CARMIL3: variants seen among roughly 807,000 people sequenced by gnomAD.
CARMIL3 encodes the protein capping protein, Arp2/3 and myosin-I linker protein 3.
In CARMIL3, 88 loss-of-function variants were observed where a neutral mutation model predicts 180.8. The ratio of observed to expected loss-of-function variants is 0.49; its 90% CI spans 0.41 to 0.58. The LOEUF (loss-of-function observed/expected upper bound fraction) is 0.58. Among genes scored for constraint, CARMIL3 ranks in the 20% least tolerant of loss-of-function variants. The probability of loss-of-function intolerance (pLI) is 0.00; values close to 1 mark genes in which losing one functional copy is unlikely to be tolerated. For synonymous variants in CARMIL3, 696 were observed against 714.5 expected (o/e 0.97, Z 0.41); for missense variants, 1,548 against 1,787.0 (o/e 0.87, Z 2.41).
rs770371621 is a variant in CARMIL3, at chr14:24,054,852, T to G, written c.460+44T>G. 6.3e-7 allele frequency: 1 copy of G among 1,580,738 alleles called. No individual in the cohort carries two copies. Among genetic ancestry groups the G allele is most frequent in the South Asian group, 1.1e-5 (1 of 89,692 alleles). The stretch of plus-strand genomic sequence containing the variant: ...GAGGAAAGTAGGCGCTCCACCATCT[T>G]GCCCCATGATCAGAGCCCTTTGTGC... On this transcript the variant is annotated intron_variant, in intron 6 of 39. Transcript: ENST00000342740. This position sits in a 1 kb window ranked among gnomAD's most constrained non-coding sequence, Gnocchi z 5.1.
rs1050893227 is a variant in CARMIL3 at position 24,058,998 on chromosome 14, T to A, written c.1571+12T>A. On this transcript the variant is annotated intron_variant, in intron 19 of 39. Coordinates refer to ENST00000342740, the MANE Select transcript of CARMIL3 (RefSeq NM_138360.4). The surrounding 1 kb of genome is among the most constrained non-coding windows in gnomAD (Gnocchi z 6.4). ...AATGTCAAGGCCAAGTGAGGCCCCCTTTCCATGCCCACAGACCCTCATCCC... is the reference window on the plus strand; with the variant it reads ...AATGTCAAGGCCAAGTGAGGCCCCCATTCCATGCCCACAGACCCTCATCCC... The A allele has an allele frequency of 6.2e-7, 1 of 1,613,770 alleles. No individual in the cohort carries two copies. The highest frequency in any genetic ancestry group is 1.3e-5 in the African/African-American group (1 of 75,040).
intron 14 of CARMIL3, 133 bp downstream of exon 14, chr14:24,057,377 T>G (rs183350727): frequency 1.0e-3 from 820 of 790,200 alleles, no homozygotes; most frequent in Non-Finnish European, 1.5e-3. Context: ...AGCTGAAGTA[T>G]AAAGCAATGT....
chr14:24,061,772 C>T lies in CARMIL3; in HGVS notation c.2480+100C>T. Reference sequence around the variant, plus strand: ...TATCAGCAATGAATAATGAATGGCACAATCTCCATTACAAGGATCAATCTT... The same window carrying T: ...TATCAGCAATGAATAATGAATGGCATAATCTCCATTACAAGGATCAATCTT... On this transcript the variant is annotated intron_variant, in intron 27 of 39. Coordinates refer to ENST00000342740, the MANE Select transcript of CARMIL3 (RefSeq NM_138360.4). This position sits in a 1 kb window ranked among gnomAD's most constrained non-coding sequence, Gnocchi z 4.1. 1 of 1,251,346 alleles carries T rather than the reference C, an allele frequency of 8.0e-7. No individual in the cohort carries two copies. The highest frequency in any genetic ancestry group is 1.1e-6 in the Non-Finnish European group (1 of 899,070). 77.5% of individuals were successfully genotyped at this position (1,251,346 alleles called of 1,614,324 possible). A position where few individuals can be genotyped will look rare whatever the true frequency, so the allele number is the denominator to read the frequency against.
At position 24,058,606 on chromosome 14, in the gene CARMIL3, C is replaced by G; in HGVS notation, c.1393-74C>G. 2 of 1,218,310 alleles carry G rather than the reference C, an allele frequency of 1.6e-6. No homozygotes were observed. Among genetic ancestry groups the G allele is most frequent in the Non-Finnish European group, 2.4e-6 (2 of 844,334 alleles). 75.5% of individuals were successfully genotyped at this position (1,218,310 alleles called of 1,614,324 possible). ...ATGACTTTGAGTTCTGGTGTGACTA[C>G]TATATCCTAAGCATTAAAGGTGCCC... is the stretch of plus-strand genomic sequence containing the variant. On this transcript the variant is annotated intron_variant, in intron 17 of 39. Transcript: ENST00000342740. This position sits in a 1 kb window ranked among gnomAD's most constrained non-coding sequence, Gnocchi z 6.4.
In CARMIL3 at chr14:24,065,127, C is replaced by A; in HGVS notation, c.3250C>A (p.Pro1084Thr). The A allele has an allele frequency of 6.9e-7, 1 of 1,457,998 alleles. No homozygotes were observed. The allele number at this position is 1,457,998 out of a possible 1,614,324, so 90.3% of individuals were successfully genotyped here. ...TTGLLLPPPP[P>T]PPPTQESPPS... ...TGGACTCCTCCTCCCTCCACCCCCACCCCCTCCCCCGACTCAGGAGAGCCC... is the reference window on the plus strand; with the variant it reads ...TGGACTCCTCCTCCCTCCACCCCCAACCCCTCCCCCGACTCAGGAGAGCCC... The change falls in exon 33 of 40, where the codon CCC (proline) becomes ACC (threonine). Residue 1084 changes from proline to threonine, a missense_variant. Pro to Thr is a conservative substitution (Grantham distance 38, BLOSUM62 -1). Transcript: ENST00000342740.
chr14:24,062,207 G>A (rs1387896570), intron 27 of CARMIL3: 1 of 549,796 alleles, frequency 1.8e-6, no homozygotes, highest in East Asian at 3.1e-5. Context: ...GGGCTCCAGG[G>A]GCCTGACCTA....
rs1594549697 is a variant in CARMIL3 at position 24,058,739 on chromosome 14, C to T, written c.1452C>T (p.Gly484=). 1 of 1,614,172 alleles carries T rather than the reference C, an allele frequency of 6.2e-7. No individual in the cohort carries two copies. ...QEQLGAVTCV[G]SLDLSDNGFD... ...AGCTGGGAGCTGTCACCTGTGTAGG[C>T]AGCCTGGATCTGTCAGACAATGGTG... is the stretch of plus-strand genomic sequence containing the variant. The change falls in exon 18 of 40, where the codon GGC becomes GGT. Residue 484 remains glycine, a synonymous_variant. Coordinates refer to ENST00000342740, the MANE Select transcript of CARMIL3 (RefSeq NM_138360.4). The surrounding 1 kb of genome is among the most constrained non-coding windows in gnomAD (Gnocchi z 6.4).
intron 31 of CARMIL3, among the ~76,000 whole-genome samples, chr14:24,063,954 C>T (rs1594553173): frequency 1.3e-5 from 2 of 148,578 alleles, no homozygotes. Context: ...ATTAGCCGGG[C>T]GTGGTGGCGC....
chr14:24,056,206 C>T, intron 10 of CARMIL3, 93 bp from the exon 11 acceptor site: 1 of 1,059,102 alleles, frequency 9.4e-7, no homozygotes, highest in Non-Finnish European at 1.4e-6. Flanking sequence ...CCATGCAGCC[C>T]CAGCCAGGCA....
At position 24,060,049 on chromosome 14, in the gene CARMIL3, G is replaced by A. The variant is rs768872118; in HGVS notation, c.1948G>A (p.Asp650Asn). 1.5e-5 allele frequency: 25 copies of A among 1,613,858 alleles called. No homozygotes were observed. Among genetic ancestry groups the A allele is most frequent in the African/African-American group, 4.0e-5 (3 of 74,960 alleles). The change falls in exon 23 of 40, where the codon GAC becomes AAC. Residue 650 changes from aspartate to asparagine, a missense_variant. Asp to Asn is a conservative substitution (Grantham distance 23, BLOSUM62 1). Around this residue, in one of 4 missense-constraint regions of CARMIL3, gnomAD observed 297 missense variants for 415.9 expected, o/e 0.71. Coordinates refer to ENST00000342740, the MANE Select transcript of CARMIL3 (RefSeq NM_138360.4). ...AYRSAPERTEDVWQKIQWCLV... is the reference protein window; with the variant it reads ...AYRSAPERTENVWQKIQWCLV... ...TCGCAGCGCGCCTGAGCGCACCGAG[G>A]ACGTCTGGCAGAAGGTGCAGGGTGC...
At chr14:24,060,577 C>G (rs754512888) in intron 24 of CARMIL3, 51 bp from the exon 25 acceptor site, 1 of 1,601,736 alleles carries the variant, frequency 6.2e-7, no homozygotes, top group Non-Finnish European at 8.5e-7. Context: ...GTCCTACCTG[C>G]GAAGATGTGG....
Position 24,069,487 on chromosome 14 carries a change from C to A in CARMIL3, c.*83C>A. On this transcript the variant is annotated 3_prime_UTR_variant, in exon 40 of 40. Transcript: ENST00000342740. ...CTATCCACCCCCAGTCCCCAGGGCC[C>A]CCTGCCAGCCCCTGTCCTACAGGGG... The A allele has an allele frequency of 6.4e-7, 1 of 1,559,672 alleles. No individual in the cohort carries two copies. The highest frequency in any genetic ancestry group is 8.8e-7 in the Non-Finnish European group (1 of 1,139,272).
rs367793052 is a variant in CARMIL3, at chr14:24,066,590, C to T, written c.3616C>T (p.Pro1206Ser). ...AGGGCCTGGATCCTGGAAGCCCCCA[C>T]CACCGCCCCAAAGCACCAAACCAAG... is the stretch of plus-strand genomic sequence containing the variant. The part of the protein sequence containing the change: ...DAGPGSWKPP[P>S]PPQSTKPSFS... The change falls in exon 36 of 40, where the codon CCA (proline) becomes TCA (serine). Residue 1206 changes from proline (P) to serine (S), a missense_variant. Around this residue, in one of 4 missense-constraint regions of CARMIL3, gnomAD observed 668 missense variants for 687.8 expected, o/e 0.97. Transcript: ENST00000342740. The T allele has an allele frequency of 2.5e-6, 4 of 1,614,140 alleles. No individual in the cohort carries two copies. Among genetic ancestry groups the T allele is most frequent in the Admixed American group, 1.7e-5 (1 of 60,012 alleles).
Position 24,054,529 on chromosome 14 carries a change from G to T in CARMIL3, c.362+18G>T. 1 of 1,607,024 alleles carries T rather than the reference G, an allele frequency of 6.2e-7. No individual in the cohort carries two copies. Among genetic ancestry groups the T allele is most frequent in the Non-Finnish European group, 8.5e-7 (1 of 1,174,278 alleles). On this transcript the variant is annotated intron_variant, in intron 5 of 39. Transcript: ENST00000342740. The surrounding 1 kb of genome is among the most constrained non-coding windows in gnomAD (Gnocchi z 5.1). ...GGCCCTGGGTGAGTGGCAAATAAGG[G>T]GTCTCTTAAGGCATTAGATGAGAGG...
rs964874968 is a variant in CARMIL3, at chr14:24,054,027, G to A, written c.136-61G>A. 2.5e-6 allele frequency: 4 copies of A among 1,579,848 alleles called. No homozygotes were observed. The African/African-American group carries it at 4.0e-5, about 16-fold the overall frequency. On this transcript the variant is annotated intron_variant, in intron 2 of 39. Transcript: ENST00000342740. This position sits in a 1 kb window ranked among gnomAD's most constrained non-coding sequence, Gnocchi z 5.1. Reference sequence around the variant, plus strand: ...AGAGCAGAGCTGAAGGGCTTAAGGAGGGCAGGGCCACCAAGGCCCAGCAGC... The same window carrying A: ...AGAGCAGAGCTGAAGGGCTTAAGGAAGGCAGGGCCACCAAGGCCCAGCAGC...
At position 24,069,553 on chromosome 14, in the gene CARMIL3, A is replaced by G; in HGVS notation, c.*149A>G. 1 of 1,014,826 alleles carries G rather than the reference A, an allele frequency of 9.9e-7. No homozygotes were observed. The allele number at this position is 1,014,826 out of a possible 1,614,324, so 62.9% of individuals were successfully genotyped here. On this transcript the variant is annotated 3_prime_UTR_variant, in exon 40 of 40. Coordinates refer to ENST00000342740, the MANE Select transcript of CARMIL3 (RefSeq NM_138360.4). ...AGGCATGGGGGAGCTGGAGGCAGGG[A>G]CTAGAACAGAGGGAGCCACCTGGAG...
intron 1 of CARMIL3, among the ~76,000 whole-genome samples, chr14:24,053,297 G>A (rs899274148): frequency 4.0e-5 from 6 of 151,722 alleles, no homozygotes; most frequent in African/African-American, 1.5e-4. Flanking sequence ...ACTCACACCC[G>A]GACCACCTAG....
chr14:24,054,565 C>CCCTTCCT lies in CARMIL3; in HGVS notation c.362+61_362+67dup. 1 of 1,564,178 alleles carries CCCTTCCT rather than the reference C, an allele frequency of 6.4e-7. No homozygotes were observed. The highest frequency in any genetic ancestry group is 1.1e-5 in the South Asian group (1 of 89,554). Reference sequence around the variant, plus strand: ...GCATTAGATGAGAGGGAGAGTTCATCCCTTCCTCCTTCCCCTGGGCCAGGG... The same window carrying CCCTTCCT: ...GCATTAGATGAGAGGGAGAGTTCATCCCTTCCTCCTTCCTCCTTCCCCTGGGCCAGGG... On this transcript the variant is annotated intron_variant, in intron 5 of 39. Transcript: ENST00000342740. The surrounding 1 kb of genome is among the most constrained non-coding windows in gnomAD (Gnocchi z 5.1).
At chr14:24,052,537 G>T (rs914754312) in intron 1 of CARMIL3, among the ~76,000 whole-genome samples, 3 of 152,120 alleles carry the variant, frequency 2.0e-5, no homozygotes, top group African/African-American at 7.2e-5. Flanking sequence ...CCGCTTCCCC[G>T]CCGGGCGGGG....
Sources: allele counts gnomAD v4.1 joint callset (sites outside exome capture counted in the v4.1 genomes callset), GRCh38; gene constraint gnomAD v4.1.1; regional missense constraint gnomAD v4.1.1; non-coding constraint Gnocchi (gnomAD v3.1); transcripts MANE v1.5; gene names NCBI Gene and HGNC (gene_info 2026-07-23, HGNC 2026-07-21).